Variants in GRIN2B observed in about 807,000 individuals in gnomAD.
GRIN2B encodes the protein glutamate ionotropic receptor NMDA type subunit 2B.
A neutral mutation model predicts 114.5 loss-of-function variants in GRIN2B; 5 were observed. That is an observed-to-expected ratio of 0.04 (90% CI 0.02 to 0.09). GRIN2B has a LOEUF of 0.09. Among genes scored for constraint, GRIN2B ranks in the 10% least tolerant of loss-of-function variants. GRIN2B has a pLI of 1.00. For synonymous variants in GRIN2B, 787 were observed against 745.1 expected (o/e 1.06, Z -0.92); for missense variants, 1,108 against 1,943.5 (o/e 0.57, Z 8.08).
At chr12:13,742,930 G>A (rs1863311108) in intron 4 of GRIN2B, among the ~76,000 whole-genome samples, 1 of 152,180 alleles carries the variant, frequency 6.6e-6, no homozygotes, top group South Asian at 2.1e-4. Flanking sequence ...TCAATCTGCT[G>A]CTTGAAACTG....
intron 5 of GRIN2B, among the ~76,000 whole-genome samples, chr12:13,621,614 T>G (rs1281778624): frequency 5.7e-5 from 2 of 35,186 alleles, no homozygotes; most frequent in Non-Finnish European, 1.2e-4. Context: ...CTAGTTTTTG[T>G]TTTTTTTTTT....
At chr12:13,673,757 T>C (rs981141798) in intron 5 of GRIN2B, among the ~76,000 whole-genome samples, 1 of 151,874 alleles carries the variant, frequency 6.6e-6, no homozygotes, top group African/African-American at 2.4e-5. Flanking sequence ...GTGAGTGGTG[T>C]CTCTTTAAGA....
At chr12:13,844,323 C>T (rs910984079) in intron 3 of GRIN2B, among the ~76,000 whole-genome samples, 4 of 152,168 alleles carry the variant, frequency 2.6e-5, no homozygotes, top group Non-Finnish European at 1.5e-5. Flanking sequence ...CCTATGAATT[C>T]CTCATTCTAG....
chr12:13,928,082 G>A (rs865940162), intron 2 of GRIN2B, among the ~76,000 whole-genome samples: 15 of 151,810 alleles, frequency 9.9e-5, no homozygotes, highest in South Asian at 6.2e-4. Context: ...AGGCTGAGGC[G>A]GGTGGATCAC....
intron 3 of GRIN2B, among the ~76,000 whole-genome samples, chr12:13,857,186 G>A (rs1447667741): frequency 6.6e-6 from 1 of 152,174 alleles, no homozygotes; most frequent in African/African-American, 2.4e-5. Context: ...GAGGGAGAAT[G>A]AGCATCAAGG....
intron 5 of GRIN2B, among the ~76,000 whole-genome samples, chr12:13,632,022 C>G (rs1365323738): frequency 6.6e-6 from 1 of 152,166 alleles, no homozygotes; most frequent in Non-Finnish European, 1.5e-5. Context: ...AATTAAATTA[C>G]TAGACTTCCC....
At chr12:13,920,157 A>G (rs1471303579) in intron 2 of GRIN2B, among the ~76,000 whole-genome samples, 1 of 150,936 alleles carries the variant, frequency 6.6e-6, no homozygotes, top group Non-Finnish European at 1.5e-5. Context: ...CCAACTACTC[A>G]GGAGGCTGAG....
At chr12:13,914,505 A>C (rs562313432) in intron 2 of GRIN2B, among the ~76,000 whole-genome samples, 1 of 152,326 alleles carries the variant, frequency 6.6e-6, no homozygotes, top group South Asian at 2.1e-4. Flanking sequence ...TATGGAAAAC[A>C]ATATTGAGTT....
intron 10 of GRIN2B, among the ~76,000 whole-genome samples, chr12:13,607,884 C>G (rs1227483512): frequency 1.3e-5 from 2 of 152,144 alleles, no homozygotes; most frequent in African/African-American, 4.8e-5. Flanking sequence ...TACATAGTTT[C>G]AGGAGACAGA....
chr12:13,806,320 T>A (rs1250982582), intron 3 of GRIN2B, among the ~76,000 whole-genome samples: 1 of 152,168 alleles, frequency 6.6e-6, no homozygotes, highest in East Asian at 1.9e-4. Flanking sequence ...CATAATGATT[T>A]AATAATTTAC....
At chr12:13,786,130 G>C (rs755558765) in intron 3 of GRIN2B, among the ~76,000 whole-genome samples, 1 of 152,086 alleles carries the variant, frequency 6.6e-6, no homozygotes, top group South Asian at 2.1e-4. Context: ...TTTTGCCTTT[G>C]CCCACTTTTT....
At chr12:13,926,371 C>T (rs1866911020) in intron 2 of GRIN2B, among the ~76,000 whole-genome samples, 1 of 152,148 alleles carries the variant, frequency 6.6e-6, no homozygotes, top group Non-Finnish European at 1.5e-5. Flanking sequence ...TGGTGTGTAT[C>T]CTTAAGCCCA....
intron 4 of GRIN2B, among the ~76,000 whole-genome samples, chr12:13,738,327 G>A (rs1037459355): frequency 1.2e-4 from 19 of 152,126 alleles, no homozygotes; most frequent in African/African-American, 4.1e-4. Flanking sequence ...TTCTCATCAA[G>A]GCCAGCCGAC....
chr12:13,607,249 AT>A (rs34200530), intron 10 of GRIN2B, among the ~76,000 whole-genome samples: 6,100 of 76,852 alleles, frequency 0.079, 232 homozygotes, highest in African/African-American at 0.094. Context: ...TATATAAAAA[AT>A]ATATATTATA....
chr12:13,661,093 G>A (rs1048798924), intron 5 of GRIN2B, among the ~76,000 whole-genome samples: 36 of 152,178 alleles, frequency 2.4e-4, no homozygotes, highest in East Asian at 5.8e-4. Flanking sequence ...CATTTACCCA[G>A]CCCCTTTCCT....
At chr12:13,750,862 A>T (rs1446778171) in intron 4 of GRIN2B, among the ~76,000 whole-genome samples, 1 of 152,186 alleles carries the variant, frequency 6.6e-6, no homozygotes, top group Non-Finnish European at 1.5e-5. Context: ...CAGGGAAGGG[A>T]GATAATACAG....
chr12:13,687,981 T>A (rs1232216474), intron 4 of GRIN2B, among the ~76,000 whole-genome samples: 2 of 152,204 alleles, frequency 1.3e-5, no homozygotes, highest in Non-Finnish European at 2.9e-5. Context: ...CCAACAATGT[T>A]ACCATTTATT....
intron 12 of GRIN2B, 85 bp downstream of exon 12, chr12:13,569,728 CGGAAATGCACAGGTTAA>C: frequency 1.3e-6 from 1 of 782,078 alleles, no homozygotes; most frequent in Non-Finnish European, 2.1e-6. Flanking sequence ...AATGCTTTTC[CGGAAATGCACAGGTTAA>C]AGAAATGGAA....
chr12:13,594,802 C>G (rs986783446), intron 10 of GRIN2B, among the ~76,000 whole-genome samples: 1 of 152,000 alleles, frequency 6.6e-6, no homozygotes, highest in African/African-American at 2.4e-5. Flanking sequence ...TATTGGATAA[C>G]GTGTGATTTC....
Sources: allele counts gnomAD v4.1 joint callset (sites outside exome capture counted in the v4.1 genomes callset), GRCh38; gene constraint gnomAD v4.1.1; transcripts MANE v1.5; gene names NCBI Gene and HGNC (gene_info 2026-07-23, HGNC 2026-07-21).